The following CSF1 variants were observed in gnomAD, a reference collection of about 807,000 sequenced individuals.
CSF1 encodes macrophage colony-stimulating factor 1.
A neutral mutation model predicts 48.9 loss-of-function variants in CSF1; 9 were observed. The ratio of observed to expected loss-of-function variants is 0.18; its 90% confidence interval spans 0.11 to 0.32. CSF1 has a LOEUF of 0.32. Ranked by LOEUF, CSF1 falls within the 10% of genes least tolerant of loss-of-function variation. The pLI is 1.00. For missense variants in CSF1, 672 were observed against 697.9 expected, an observed-to-expected ratio of 0.96 and a Z score of 0.42; for synonymous variants, 305 against 284.1, an observed-to-expected ratio of 1.07 and a Z score of -0.74.
chr1:109,911,513 G>C (rs1054474254), intron 1 of CSF1, among the ~76,000 whole-genome samples: 4 of 152,200 alleles, frequency 2.6e-5, no homozygotes, highest in African/African-American at 4.8e-5. Context: ...TTCTGGGCAG[G>C]GAAAGTTCAG....
rs1461397869 is a variant in CSF1, at chr1:109,923,809, C to T, written c.1188C>T (p.Asp396=). 3 of 1,610,146 alleles carry T rather than the reference C, an allele frequency of 1.9e-6. No homozygotes were observed. The highest frequency in any genetic ancestry group is 1.1e-5 in the South Asian group (1 of 90,436). ...ACCATCCATCTGCCCTGCTCAGAGA[C>T]CCCCCGGAGCCAGGCTCTCCCAGGA... ...KTDHPSALLR[D]PPEPGSPRIS... The change falls in exon 6 of 9, where the codon GAC becomes GAT. Residue 396 remains aspartate (D), a synonymous_variant. Transcript: ENST00000329608.
At chr1:109,923,043 A>G in intron 5 of CSF1, 123 bp from the exon 6 acceptor site, 1 of 917,230 alleles carries the variant, frequency 1.1e-6, no homozygotes, top group East Asian at 2.6e-5. Flanking sequence ...GGGCTGAGCT[A>G]GGAGATGAGG....
rs1391021226 is a variant in CSF1, at chr1:109,923,855, G to A, written c.1234G>A (p.Gly412Ser). 9 of 1,613,846 alleles carry A rather than the reference G, an allele frequency of 5.6e-6. No homozygotes were observed. Among genetic ancestry groups the A allele is most frequent in the African/African-American group, 1.3e-5 (1 of 74,928 alleles). Residue 412 changes from glycine (G) to serine (S), a missense_variant, in exon 6 of 9, where the codon GGC becomes AGC. By Grantham distance (56) the Gly-to-Ser change is moderately conservative (BLOSUM62 0). Coordinates refer to ENST00000329608, the MANE Select transcript of CSF1 (RefSeq NM_000757.6). ...SPRISSLRPQ[G>S]LSNPSTLSAQ... The stretch of plus-strand genomic sequence containing the variant: ...CAGGATCTCATCACTGCGCCCCCAG[G>A]GCCTCAGCAACCCCTCCACCCTCTC...
chr1:109,923,447 G>A lies in CSF1; in HGVS notation c.826G>A (p.Gly276Ser), dbSNP rs775031771. Residue 276 changes from glycine to serine, a missense_variant, in exon 6 of 9, where the codon GGC becomes AGC. Physicochemically the swap from Gly to Ser is moderately conservative, Grantham distance 56 (BLOSUM62 0). Around this residue, in one of 3 missense-constraint regions of CSF1, gnomAD observed 591 missense variants for 593.6 expected, o/e 1.00. Coordinates refer to ENST00000329608, the MANE Select transcript of CSF1 (RefSeq NM_000757.6). ...TPVVKDSTIG[G>S]SPQPRPSVGA... ...AGTTGTCAAGGACAGCACCATCGGT[G>A]GCTCACCACAGCCTCGCCCCTCTGT... is the stretch of plus-strand genomic sequence containing the variant. 3.7e-5 allele frequency: 59 copies of A among 1,613,994 alleles called. No homozygotes were observed. The Admixed American group carries it at 9.3e-4, about 26-fold the overall frequency.
Position 109,929,602 on chromosome 1 carries a change from G to C in CSF1, c.*764G>C, listed in dbSNP as rs1367275955. On this transcript the variant is annotated 3_prime_UTR_variant, in exon 9 of 9. Transcript: ENST00000329608. ...CCAGCACCTGCCAGAGCTTCTCCAG[G>C]AGGCCAAGCAGAGGCTCCCCTCATG... 1 of 153,020 alleles carries C rather than the reference G, an allele frequency of 6.5e-6. No individual in the cohort carries two copies. Among genetic ancestry groups the C allele is most frequent in the African/African-American group, 2.4e-5 (1 of 41,452 alleles). The allele number at this position is 153,020 out of a possible 1,614,324, so 9.5% of individuals were successfully genotyped here.
At chr1:109,915,309 T>C (rs1311358426) in intron 2 of CSF1, among the ~76,000 whole-genome samples, 2 of 152,212 alleles carry the variant, frequency 1.3e-5, no homozygotes, top group East Asian at 1.9e-4. Context: ...ATTCCTACCA[T>C]GACAGGGTGC....
chr1:109,917,734 T>C (rs1418892940), intron 4 of CSF1, among the ~76,000 whole-genome samples: 1 of 152,156 alleles, frequency 6.6e-6, no homozygotes, highest in Non-Finnish European at 1.5e-5. Flanking sequence ...AAACAAACCA[T>C]GACACCAGTA....
At chr1:109,914,094 T>C (rs1654795798) in intron 1 of CSF1, among the ~76,000 whole-genome samples, 165 bp from the exon 2 acceptor site, 2 of 152,328 alleles carry the variant, frequency 1.3e-5, no homozygotes, top group South Asian at 4.1e-4. Context: ...CTGTGGCTGC[T>C]AGAAATCCTG....
In CSF1 at chr1:109,928,927, C is replaced by T. The variant is rs1259575488; in HGVS notation, c.*89C>T. 1.3e-5 allele frequency: 2 copies of T among 153,014 alleles called. No homozygotes were observed. Among genetic ancestry groups the T allele is most frequent in the African/African-American group, 4.8e-5 (2 of 41,468 alleles). 9.5% of individuals were successfully genotyped at this position (153,014 alleles called of 1,614,324 possible). ...ACCACCACCCCTCCCTGGCCATCCT[C>T]CTGGAATGTGGTCTGCCCTCCACCA... is the stretch of plus-strand genomic sequence containing the variant. On this transcript the variant is annotated 3_prime_UTR_variant, in exon 9 of 9. Coordinates refer to ENST00000329608, the MANE Select transcript of CSF1 (RefSeq NM_000757.6).
intron 8 of CSF1, among the ~76,000 whole-genome samples, chr1:109,927,570 A>G (rs1647898082): frequency 7.0e-6 from 1 of 142,276 alleles, no homozygotes; most frequent in South Asian, 2.3e-4. Context: ...TCCTTTCCCC[A>G]CTTGCTTATT....
chr1:109,921,796 A>C (rs1190920880), intron 4 of CSF1, 51 bp from the exon 5 acceptor site: 8 of 1,484,756 alleles, frequency 5.4e-6, no homozygotes, highest in African/African-American at 1.4e-5. Flanking sequence ...TAAGATGGAG[A>C]CATGGGGCCA....
At chr1:109,917,198 A>G in intron 3 of CSF1, 95 bp from the exon 4 acceptor site, 6 of 1,326,790 alleles carry the variant, frequency 4.5e-6, no homozygotes, top group South Asian at 2.8e-5. Context: ...CCCTGGGGGA[A>G]GGGGGAGAGC....
At position 109,922,008 on chromosome 1, in the gene CSF1, G is replaced by A. The variant is rs781130023; in HGVS notation, c.544+14G>A. 8.8e-6 allele frequency: 14 copies of A among 1,582,712 alleles called. No individual in the cohort carries two copies. The highest frequency in any genetic ancestry group is 2.3e-5 in the East Asian group (1 of 44,092). On this transcript the variant is annotated intron_variant, in intron 5 of 8. Transcript: ENST00000329608. ...GCTCCAGCCAAGGTAAGCATGGCAG[G>A]GGCCAGCAAGTGTGTGGGGGTGGTA...
intron 4 of CSF1, 117 bp downstream of exon 4, chr1:109,917,580 C>A (rs1342191778): frequency 9.6e-7 from 1 of 1,038,820 alleles, no homozygotes; most frequent in Non-Finnish European, 1.4e-6. Context: ...ATTGCTTGCT[C>A]ACTCTCATTT....
chr1:109,919,778 GCGA>G (rs1647438261), intron 4 of CSF1, among the ~76,000 whole-genome samples: 1 of 151,904 alleles, frequency 6.6e-6, no homozygotes. Flanking sequence ...GCCCAACAGG[GCGA>G]AACCCCATCT....
chr1:109,923,405 G>C lies in CSF1; in HGVS notation c.784G>C (p.Glu262Gln), dbSNP rs527845264. ...ACCCAGGAGCACCTGCCAGAGCTTT[G>C]AGCCGCCAGAGACCCCAGTTGTCAA... is the stretch of plus-strand genomic sequence containing the variant. ...RPPRSTCQSF[E>Q]PPETPVVKDS... is the part of the protein sequence containing the mutation. The change falls in exon 6 of 9, where the codon GAG becomes CAG. Residue 262 changes from glutamate (E) to glutamine (Q), a missense_variant. Glu to Gln is a conservative substitution (Grantham distance 29, BLOSUM62 2). Around this residue, in one of 3 missense-constraint regions of CSF1, gnomAD observed 591 missense variants for 593.6 expected, o/e 1.00. Transcript: ENST00000329608. The C allele has an allele frequency of 1.9e-6, 3 of 1,613,954 alleles. No individual in the cohort carries two copies. The highest frequency in any genetic ancestry group is 2.2e-5 in the East Asian group (1 of 44,848).
chr1:109,922,821 C>T (rs1448413662), intron 5 of CSF1, among the ~76,000 whole-genome samples: 1 of 152,144 alleles, frequency 6.6e-6, no homozygotes, highest in Non-Finnish European at 1.5e-5. Context: ...GGAAGGCAAC[C>T]GTTCAGCCTC....
chr1:109,924,146 T>C lies in CSF1; in HGVS notation c.1525T>C (p.Leu509=). The change falls in exon 6 of 9, where the codon TTG becomes CTG. Residue 509 remains leucine (L), a synonymous_variant. Coordinates refer to ENST00000329608, the MANE Select transcript of CSF1 (RefSeq NM_000757.6). Reference sequence around the variant, plus strand: ...GCTGGTGCCCAGTGTCATCCTGGTCTTGCTGGCCGTCGGAGGCCTCTTGTT... The same window carrying C: ...GCTGGTGCCCAGTGTCATCCTGGTCCTGCTGGCCGTCGGAGGCCTCTTGTT... ...HLLVPSVILV[L]LAVGGLLFYR... is the part of the protein sequence containing the mutation. 6 of 1,613,696 alleles carry C rather than the reference T, an allele frequency of 3.7e-6. No homozygotes were observed. Among genetic ancestry groups the C allele is most frequent in the Non-Finnish European group, 5.1e-6 (6 of 1,179,790 alleles).
In CSF1 at chr1:109,911,006, C is replaced by T. The variant is rs1440001958; in HGVS notation, c.-18C>T. 7 of 1,167,400 alleles carry T rather than the reference C, an allele frequency of 6.0e-6. No homozygotes were observed. The highest frequency in any genetic ancestry group is 6.3e-6 in the Non-Finnish European group (6 of 948,538). 72.3% of individuals were successfully genotyped at this position (1,167,400 alleles called of 1,614,324 possible). On this transcript the variant is annotated 5_prime_UTR_variant, in exon 1 of 9. Coordinates refer to ENST00000329608, the MANE Select transcript of CSF1 (RefSeq NM_000757.6). ...AGCGAGGGCGGCCGACGCGCCCGGC[C>T]GGGACCCAGCTGCCCGTATGACCGC...
Sources: allele counts gnomAD v4.1 joint callset (sites outside exome capture counted in the v4.1 genomes callset), GRCh38; gene constraint gnomAD v4.1.1; regional missense constraint gnomAD v4.1.1; transcripts MANE v1.5; gene names NCBI Gene and HGNC (gene_info 2026-07-23, HGNC 2026-07-21).